GMDS: variants seen among roughly 807,000 people sequenced by gnomAD.
The protein encoded by GMDS is GDP-mannose 4,6-dehydratase.
GMDS carries 20 observed loss-of-function variants against 49.9 expected under a neutral mutation model. The observed-to-expected ratio is 0.40, with a 90% CI of 0.28 to 0.58. GMDS has a LOEUF of 0.58. GMDS is among the 20% of genes least tolerant of loss of function. The pLI, the probability that GMDS is intolerant of heterozygous loss-of-function variation, is 0.42. For missense variants in GMDS, 362 were observed against 481.4 expected, an observed-to-expected ratio of 0.75 and a Z score of 2.32; for synonymous variants, 177 against 178.6, an observed-to-expected ratio of 0.99 and a Z score of 0.07.
intron 7 of GMDS, among the ~76,000 whole-genome samples, chr6:1,826,969 A>C (rs566679887): frequency 6.6e-6 from 1 of 152,164 alleles, no homozygotes; most frequent in East Asian, 1.9e-4. Context: ...TGGGAGGCTG[A>C]GGCAGAAAGA....
chr6:2,060,758 G>A (rs937766030), intron 4 of GMDS, among the ~76,000 whole-genome samples: 2 of 152,126 alleles, frequency 1.3e-5, no homozygotes, highest in Non-Finnish European at 2.9e-5. Flanking sequence ...GGCCGGGCGC[G>A]GTGACTCACA....
chr6:1,931,828 T>C (rs1243270535), intron 6 of GMDS, among the ~76,000 whole-genome samples: 2 of 152,202 alleles, frequency 1.3e-5, no homozygotes, highest in African/African-American at 4.8e-5. Context: ...ATGGAAGTAT[T>C]TGACCCTATT....
intron 1 of GMDS, among the ~76,000 whole-genome samples, chr6:2,137,614 G>A (rs1776075234): frequency 6.6e-6 from 1 of 152,202 alleles, no homozygotes; most frequent in Non-Finnish European, 1.5e-5. Context: ...GATTGCAGGT[G>A]TGAGCCACCG....
chr6:1,820,503 C>A (rs1325499162), intron 7 of GMDS, among the ~76,000 whole-genome samples: 1 of 152,146 alleles, frequency 6.6e-6, no homozygotes, highest in Non-Finnish European at 1.5e-5. Flanking sequence ...TTTAGAATAA[C>A]TTTTGCATTT....
chr6:1,647,369 G>A (rs79892491), intron 9 of GMDS, among the ~76,000 whole-genome samples: 4,069 of 152,176 alleles, frequency 0.027, 169 homozygotes, highest in African/African-American at 0.093. Context: ...CTGCTGGATG[G>A]GAACAGGAAT....
intron 4 of GMDS, among the ~76,000 whole-genome samples, chr6:2,000,250 T>C (rs1766712696): frequency 6.7e-6 from 1 of 150,120 alleles, no homozygotes; most frequent in South Asian, 2.1e-4. Context: ...TTAGCCAGGA[T>C]GGTCTCCATC....
At chr6:1,731,280 AAG>A (rs1171392629) in intron 8 of GMDS, among the ~76,000 whole-genome samples, 1 of 152,236 alleles carries the variant, frequency 6.6e-6, no homozygotes, top group Non-Finnish European at 1.5e-5. Context: ...GATTTCCAGA[AAG>A]AGAGTACAGA....
At chr6:2,045,609 G>T in intron 4 of GMDS, among the ~76,000 whole-genome samples, 1 of 151,996 alleles carries the variant, frequency 6.6e-6, no homozygotes, top group East Asian at 1.9e-4. Context: ...TGGGGGTTTT[G>T]TTTGTATGTT....
chr6:1,953,347 GT>G (rs2127281806), intron 6 of GMDS, among the ~76,000 whole-genome samples: 1 of 152,258 alleles, frequency 6.6e-6, no homozygotes, highest in South Asian at 2.1e-4. Flanking sequence ...TATTATGTGT[GT>G]TTCACCCTTT....
chr6:2,078,111 T>C (rs1015820582), intron 4 of GMDS, among the ~76,000 whole-genome samples: 4 of 152,214 alleles, frequency 2.6e-5, no homozygotes, highest in Admixed American at 2.0e-4. Flanking sequence ...TGTATTTCTG[T>C]GGTATCAGAT....
intron 4 of GMDS, among the ~76,000 whole-genome samples, chr6:1,988,197 T>C (rs921971973): frequency 1.5e-4 from 23 of 152,168 alleles, no homozygotes; most frequent in African/African-American, 5.6e-4. Context: ...AAAAACAAGG[T>C]GGTTGTGATT....
At chr6:1,715,025 G>A (rs1048411760) in intron 9 of GMDS, among the ~76,000 whole-genome samples, 5 of 152,174 alleles carry the variant, frequency 3.3e-5, no homozygotes, top group Non-Finnish European at 1.5e-5. Flanking sequence ...GGGAAGTGGA[G>A]AAACGAACAG....
chr6:2,245,282 A>C (rs1273138543), intron 1 of GMDS, 39 bp downstream of exon 1: 3 of 1,350,804 alleles, frequency 2.2e-6, no homozygotes, highest in Admixed American at 2.0e-5. Context: ...ACGCGTGCCC[A>C]GGCTGCCTCG....
chr6:1,744,101 T>C (rs1767392444), intron 7 of GMDS, among the ~76,000 whole-genome samples: 1 of 152,222 alleles, frequency 6.6e-6, no homozygotes, highest in Non-Finnish European at 1.5e-5. Context: ...TAATTTCCTT[T>C]TTATTCATTG....
chr6:1,786,800 T>G (rs1021292683), intron 7 of GMDS, among the ~76,000 whole-genome samples: 48 of 51,252 alleles, frequency 9.4e-4, no homozygotes, highest in African/African-American at 3.5e-3. Context: ...TAATTTGTGG[T>G]TTTTTTTTTT....
At position 1,793,062 on chromosome 6, in the gene GMDS, T is replaced by G. The variant is rs928468686; in HGVS notation, c.772-50476A>C. ...CAGTATATCCTCTAATCCCCATGTA[T>G]CTCATCTTCACCCCTTTCTTGATGC... On this transcript the variant is annotated intron_variant, in intron 7 of 10. Transcript: ENST00000380815. Among the ~76,000 whole-genome samples, 39 of 152,338 alleles carry G rather than the reference T, an allele frequency of 2.6e-4. 1 individual carries two copies. Among genetic ancestry groups the G allele is most frequent in the African/African-American group, 9.1e-4 (38 of 41,580 alleles).
In GMDS at chr6:2,245,381, G is replaced by A; in HGVS notation, c.42C>T (p.Ser14=). 6.5e-7 allele frequency: 1 copy of A among 1,547,060 alleles called. No homozygotes were observed. The highest frequency in any genetic ancestry group is 8.7e-7 in the Non-Finnish European group (1 of 1,152,164). The change falls in exon 1 of 11, where the codon TCC becomes TCT. Residue 14 remains serine (S), a synonymous_variant. Coordinates refer to ENST00000380815, the MANE Select transcript of GMDS (RefSeq NM_001500.4). ...TGGGCTTGCCCATCTCGCCGTCCCC[G>A]GAGCCCCGGGCGCTGGGGCAGCGTG... ...APARCPSARG[S]GDGEMGKPRN... is the part of the protein sequence containing the mutation.
chr6:2,228,763 C>T (rs1231411763), intron 1 of GMDS, among the ~76,000 whole-genome samples: 1 of 152,220 alleles, frequency 6.6e-6, no homozygotes, highest in East Asian at 1.9e-4. Flanking sequence ...CTCAGTACAA[C>T]TGTGTAGTGC....
At chr6:1,652,698 TTATATA>T (rs57897372) in intron 9 of GMDS, among the ~76,000 whole-genome samples, 150 of 1,882 alleles carry the variant, frequency 0.08, 54 homozygotes, top group Admixed American at 0.23. Context: ...ATATAATATA[TTATATA>T]TATATATATA....
Sources: gnomAD v4.1 joint callset for allele counts (sites outside exome capture counted in the v4.1 genomes callset) on GRCh38, gnomAD v4.1.1 for gene constraint, MANE v1.5 for transcripts, NCBI Gene and HGNC (gene_info 2026-07-23, HGNC 2026-07-21) for gene names.